AGBL4: variants seen among roughly 807,000 people sequenced by gnomAD.
AGBL4 encodes the protein AGBL carboxypeptidase 4.
In AGBL4, 58 loss-of-function variants were observed where a neutral mutation model predicts 66.4. The ratio of observed to expected loss-of-function variants is 0.87; its 90% CI spans 0.71 to 1.09. AGBL4 has a LOEUF of 1.09. AGBL4 is among the 50% of genes least tolerant of loss of function. AGBL4 has a pLI of 0.00. For synonymous variants in AGBL4, 234 were observed against 222.9 expected, an observed-to-expected ratio of 1.05 and a Z score of -0.44; for missense variants, 579 against 631.0, an observed-to-expected ratio of 0.92 and a Z score of 0.88.
chr1:49,660,305 C>T lies in AGBL4; in HGVS notation c.282+37008G>A, dbSNP rs189800824. On this transcript the variant is annotated intron_variant, in intron 3 of 13. Coordinates refer to ENST00000371839, the MANE Select transcript of AGBL4 (RefSeq NM_032785.4). ...AAAGTGGGCAAAGGACATGAACAGACGCTTCTCCAAAGAATATATTTATGC... is the reference window on the plus strand; with the variant it reads ...AAAGTGGGCAAAGGACATGAACAGATGCTTCTCCAAAGAATATATTTATGC... Among the ~76,000 whole-genome samples the T allele has an allele frequency of 3.5e-3, 525 of 152,170 alleles. 1 individual carries two copies. The highest frequency in any genetic ancestry group is 0.012 in the African/African-American group (486 of 41,522).
chr1:49,391,734 T>C (rs2148593319), intron 3 of AGBL4, among the ~76,000 whole-genome samples: 1 of 152,066 alleles, frequency 6.6e-6, no homozygotes, highest in Non-Finnish European at 1.5e-5. Context: ...GCTAATTTTT[T>C]GTATTTTTAG....
chr1:49,861,247 A>T (rs1571735617), intron 1 of AGBL4, among the ~76,000 whole-genome samples: 1 of 152,214 alleles, frequency 6.6e-6, no homozygotes, highest in African/African-American at 2.4e-5. Context: ...GAACTAGGCC[A>T]GAGACATTGG....
At chr1:49,588,828 T>C (rs1361361734) in intron 3 of AGBL4, among the ~76,000 whole-genome samples, 1 of 152,232 alleles carries the variant, frequency 6.6e-6, no homozygotes, top group Non-Finnish European at 1.5e-5. Flanking sequence ...ACAACCTATA[T>C]TATGATCTCA....
At chr1:48,620,846 T>C (rs1220163037) in intron 9 of AGBL4, among the ~76,000 whole-genome samples, 1 of 152,160 alleles carries the variant, frequency 6.6e-6, no homozygotes, top group East Asian at 1.9e-4. Context: ...TGGTGTTTTT[T>C]TAATCCTCAC....
chr1:49,383,664 T>G (rs138002852), intron 3 of AGBL4, among the ~76,000 whole-genome samples: 136 of 152,182 alleles, frequency 8.9e-4, no homozygotes, highest in Non-Finnish European at 1.5e-3. Flanking sequence ...ATTAAAGATC[T>G]AAATGTAAGA....
chr1:49,614,560 A>T (rs1645215679), intron 3 of AGBL4, among the ~76,000 whole-genome samples: 1 of 152,186 alleles, frequency 6.6e-6, no homozygotes, highest in African/African-American at 2.4e-5. Context: ...CGGGACTGAA[A>T]AACTGGCATT....
At chr1:49,534,894 T>C (rs1651447759) in intron 3 of AGBL4, among the ~76,000 whole-genome samples, 1 of 152,222 alleles carries the variant, frequency 6.6e-6, no homozygotes, top group Non-Finnish European at 1.5e-5. Context: ...GAAAAATGTT[T>C]ACACATTGAA....
chr1:49,112,223 T>G (rs1403637113), intron 4 of AGBL4, among the ~76,000 whole-genome samples: 4 of 152,238 alleles, frequency 2.6e-5, no homozygotes, highest in Admixed American at 2.6e-4. Context: ...TGTTTGAGGA[T>G]CTGTTTTCTG....
intron 3 of AGBL4, among the ~76,000 whole-genome samples, chr1:49,608,206 C>A (rs1645094178): frequency 6.6e-6 from 1 of 152,122 alleles, no homozygotes; most frequent in East Asian, 1.9e-4. Context: ...GAGTGAAGGT[C>A]TGGAGCTTGG....
At chr1:49,201,359 G>T (rs1647685740) in intron 4 of AGBL4, among the ~76,000 whole-genome samples, 2 of 152,088 alleles carry the variant, frequency 1.3e-5, no homozygotes, top group African/African-American at 4.8e-5. Context: ...TTAAAAATAA[G>T]GAATTGACAT....
chr1:49,795,912 A>G (rs540783707), intron 2 of AGBL4, among the ~76,000 whole-genome samples: 5 of 152,026 alleles, frequency 3.3e-5, no homozygotes, highest in Non-Finnish European at 5.9e-5. Context: ...GCAGTGAGAG[A>G]AAAGATACAA....
At chr1:49,170,304 A>C (rs1055557672) in intron 4 of AGBL4, among the ~76,000 whole-genome samples, 1 of 144,364 alleles carries the variant, frequency 6.9e-6, no homozygotes, top group Admixed American at 7.0e-5. Flanking sequence ...ATTCATATAA[A>C]TATGTTATAA....
intron 3 of AGBL4, among the ~76,000 whole-genome samples, chr1:49,621,927 C>T (rs1252861039): frequency 6.6e-6 from 1 of 152,138 alleles, no homozygotes; most frequent in African/African-American, 2.4e-5. Flanking sequence ...TCTCTTCAGT[C>T]CTTTATACTC....
chr1:48,659,705 C>A (rs1295409071), intron 7 of AGBL4, among the ~76,000 whole-genome samples: 1 of 152,182 alleles, frequency 6.6e-6, no homozygotes, highest in Non-Finnish European at 1.5e-5. Flanking sequence ...CTGGGGCCCA[C>A]AGTCTGGGAG....
intron 5 of AGBL4, among the ~76,000 whole-genome samples, chr1:48,947,287 T>G (rs1457219358): frequency 6.6e-6 from 1 of 152,240 alleles, no homozygotes; most frequent in Non-Finnish European, 1.5e-5. Flanking sequence ...TGGCTTAATG[T>G]TTGTCTACTT....
intron 9 of AGBL4, among the ~76,000 whole-genome samples, chr1:48,592,908 G>C (rs771757711): frequency 6.6e-6 from 1 of 152,012 alleles, no homozygotes; most frequent in South Asian, 2.1e-4. Flanking sequence ...ATTTATGGGC[G>C]TACAAGTGTA....
intron 2 of AGBL4, among the ~76,000 whole-genome samples, chr1:49,759,601 A>G (rs1652151578): frequency 6.6e-6 from 1 of 152,262 alleles, no homozygotes; most frequent in African/African-American, 2.4e-5. Context: ...AATAGTATGT[A>G]AAACATTAAC....
chr1:49,660,766 G>C (rs1395553792), intron 3 of AGBL4, among the ~76,000 whole-genome samples: 1 of 152,088 alleles, frequency 6.6e-6, no homozygotes, highest in African/African-American at 2.4e-5. Context: ...GAATACTATG[G>C]AGTCATAAAA....
chr1:49,773,343 G>C (rs1014627343), intron 2 of AGBL4, among the ~76,000 whole-genome samples: 1 of 152,158 alleles, frequency 6.6e-6, no homozygotes, highest in East Asian at 1.9e-4. Flanking sequence ...CTTTGGGAAT[G>C]TCATGTTTCC....
Sources: allele counts gnomAD v4.1 joint callset (sites outside exome capture counted in the v4.1 genomes callset), GRCh38; gene constraint gnomAD v4.1.1; transcripts MANE v1.5; gene names NCBI Gene and HGNC (gene_info 2026-07-23, HGNC 2026-07-21).